SLU7: variants seen among roughly 807,000 people sequenced by gnomAD.
SLU7 encodes the protein pre-mRNA-splicing factor SLU7.
In SLU7, 60 loss-of-function variants were observed where a neutral mutation model predicts 87.0. That is an observed-to-expected ratio of 0.69 (90% CI 0.56 to 0.86). The LOEUF (loss-of-function observed/expected upper bound fraction) is 0.86, where lower values mean the gene tolerates loss of function less well. Among genes scored for constraint, SLU7 ranks in the 40% least tolerant of loss-of-function variants. The pLI is 0.00. For missense variants in SLU7, 507 were observed against 686.6 expected (o/e 0.74, Z 2.92); for synonymous variants, 197 against 222.0 (o/e 0.89, Z 1.00).
intron 1 of SLU7, among the ~76,000 whole-genome samples, chr5:160,417,682 C>T (rs978444260): frequency 6.6e-6 from 1 of 151,222 alleles, no homozygotes; most frequent in African/African-American, 2.4e-5. Context: ...ATCCTAGCTA[C>T]TCGGGAGGCT....
chr5:160,404,512 CT>C lies in SLU7; in HGVS notation c.1508del (p.Lys503ArgfsTer23). 6.2e-7 allele frequency: 1 copy of C among 1,610,858 alleles called. No individual in the cohort carries two copies. The highest frequency in any genetic ancestry group is 8.5e-7 in the Non-Finnish European group (1 of 1,178,406). ...KLKEEKKKKK[K>X]KKKKHRKSSS... Reference sequence around the variant, plus strand: ...TGCTCTTTCGATGCTTCTTCTTTTTCTTTTTCTTCTTCTTCTTTTCCTCTTT... The same window carrying C: ...TGCTCTTTCGATGCTTCTTCTTTTTCTTTTCTTCTTCTTCTTTTCCTCTTT... On this transcript the variant is annotated frameshift_variant, in exon 15 of 16. Coordinates refer to ENST00000297151, the MANE Select transcript of SLU7 (RefSeq NM_006425.5). LOFTEE classifies it high-confidence loss of function.
chr5:160,407,019 C>T lies in SLU7; in HGVS notation c.1126-390G>A, dbSNP rs1260775358. On this transcript the variant is annotated intron_variant, in intron 11 of 15. Coordinates refer to ENST00000297151, the MANE Select transcript of SLU7 (RefSeq NM_006425.5). The surrounding 1 kb of genome is among the most constrained non-coding windows in gnomAD (Gnocchi z 4.2). ...TGATGCAAGCAAAGGCACTTATGTA[C>T]CACAGCACACTTTTTGCTGCCACTC... 6.6e-6 allele frequency among the ~76,000 whole-genome samples: 1 copy of T among 152,194 alleles called. No homozygotes were observed. The highest frequency in any genetic ancestry group is 1.5e-5 in the Non-Finnish European group (1 of 68,034).
At position 160,413,976 on chromosome 5, in the gene SLU7, A is replaced by G; in HGVS notation, c.328T>C (p.Ser110Pro). Reference protein sequence around the residue: ...EWYKRGVKENSIITKYRKGAC... With the variant: ...EWYKRGVKENPIITKYRKGAC... ...CCTTTGCGGTACTTAGTAATTATGG[A>G]ATTCTATAAATATATATAAAGAAAA... The change falls in exon 4 of 16, where the codon TCC (serine) becomes CCC (proline). Residue 110 changes from serine (S) to proline (P), a missense_variant. Coordinates refer to ENST00000297151, the MANE Select transcript of SLU7 (RefSeq NM_006425.5). The G allele has an allele frequency of 6.4e-7, 1 of 1,553,106 alleles. No individual in the cohort carries two copies. The highest frequency in any genetic ancestry group is 8.7e-7 in the Non-Finnish European group (1 of 1,144,888).
Position 160,407,404 on chromosome 5 carries a change from T to C in SLU7, c.1125+72A>G, listed in dbSNP as rs1373255366. ...CTCTCTTTGCATTATTTTCCAAATG[T>C]AAAACTAACGCTTATTAACTAGTAA... On this transcript the variant is annotated intron_variant, in intron 11 of 15. Transcript: ENST00000297151. The surrounding 1 kb of genome is among the most constrained non-coding windows in gnomAD (Gnocchi z 4.2). 40 of 1,375,596 alleles carry C rather than the reference T, an allele frequency of 2.9e-5. No homozygotes were observed. Among genetic ancestry groups the C allele is most frequent in the Non-Finnish European group, 3.6e-5 (36 of 1,006,610 alleles). 85.2% of individuals were successfully genotyped at this position (1,375,596 alleles called of 1,614,324 possible). A position where few individuals can be genotyped will look rare whatever the true frequency, so the allele number is the denominator to read the frequency against.
chr5:160,403,164 A>G lies in SLU7; in HGVS notation c.*121T>C. 1.5e-6 allele frequency: 1 copy of G among 689,654 alleles called. No individual in the cohort carries two copies. Among genetic ancestry groups the G allele is most frequent in the Non-Finnish European group, 2.3e-6 (1 of 443,128 alleles). 42.7% of individuals were successfully genotyped at this position (689,654 alleles called of 1,614,324 possible). ...GTGAACTTACTGTGAGGCATCTGAAATATTTATTAAAGCCAGGCAGCAAGA... is the reference window on the plus strand; with the variant it reads ...GTGAACTTACTGTGAGGCATCTGAAGTATTTATTAAAGCCAGGCAGCAAGA... On this transcript the variant is annotated 3_prime_UTR_variant, in exon 16 of 16. Coordinates refer to ENST00000297151, the MANE Select transcript of SLU7 (RefSeq NM_006425.5).
At chr5:160,413,697 T>A in intron 4 of SLU7, 77 bp from the exon 5 acceptor site, 1 of 1,304,622 alleles carries the variant, frequency 7.7e-7, no homozygotes, top group Non-Finnish European at 1.1e-6. Flanking sequence ...TTTTACAGAG[T>A]GGGCACTTTA....
At chr5:160,405,592 T>C (rs1764975959) in intron 12 of SLU7, among the ~76,000 whole-genome samples, 1 of 152,206 alleles carries the variant, frequency 6.6e-6, no homozygotes, top group Non-Finnish European at 1.5e-5. Context: ...CAATTGTAGT[T>C]TGGTTACTTC....
At chr5:160,410,207 A>C (rs984161947) in intron 6 of SLU7, among the ~76,000 whole-genome samples, 1 of 152,246 alleles carries the variant, frequency 6.6e-6, no homozygotes, top group Non-Finnish European at 1.5e-5. Flanking sequence ...AAATGTTCAC[A>C]ATTAACACAG....
chr5:160,404,958 A>G, intron 13 of SLU7, 73 bp downstream of exon 13: 1 of 1,496,442 alleles, frequency 6.7e-7, no homozygotes, highest in Non-Finnish European at 9.3e-7. Context: ...TTGAAACATG[A>G]GACAGCATGT....
chr5:160,405,044 C>G lies in SLU7; in HGVS notation c.1379G>C (p.Gly460Ala). The stretch of plus-strand genomic sequence containing the variant: ...ACAATTACTTACAACAATCTCCTTC[C>G]CAGCTTCTCCAGTACAATAGGAATA... ...FKYSYCTGEA[G>A]KEIVNSEECI... Residue 460 changes from glycine (G) to alanine (A), a missense_variant, in exon 13 of 16, where the codon GGG becomes GCG. By Grantham distance (60) the Gly-to-Ala change is moderately conservative. Around this residue, in one of 6 missense-constraint regions of SLU7, gnomAD observed 201 missense variants for 213.4 expected, o/e 0.94. Coordinates refer to ENST00000297151, the MANE Select transcript of SLU7 (RefSeq NM_006425.5). 6.2e-7 allele frequency: 1 copy of G among 1,612,176 alleles called. No homozygotes were observed. Among genetic ancestry groups the G allele is most frequent in the Non-Finnish European group, 8.5e-7 (1 of 1,178,298 alleles).
At chr5:160,404,959 G>GACAGCATGTT in intron 13 of SLU7, 72 bp downstream of exon 13, 2 of 1,492,840 alleles carry the variant, frequency 1.3e-6, no homozygotes, top group Non-Finnish European at 1.9e-6. Context: ...TGAAACATGA[G>GACAGCATGTT]ACAGCATGTT....
intron 5 of SLU7, 100 bp from the exon 6 acceptor site, chr5:160,412,619 G>A (rs1765288972): frequency 1.0e-5 from 7 of 694,362 alleles, no homozygotes; most frequent in Admixed American, 3.1e-5. Context: ...TATTTAAAAT[G>A]AATAACTTTA....
At chr5:160,412,305 C>G in intron 6 of SLU7, 146 bp downstream of exon 6, 1 of 567,622 alleles carries the variant, frequency 1.8e-6, no homozygotes, top group Non-Finnish European at 3.1e-6. Flanking sequence ...TTACTATGAA[C>G]TGTATACAAA....
intron 13 of SLU7, 54 bp from the exon 14 acceptor site, chr5:160,404,934 G>T: frequency 6.6e-7 from 1 of 1,519,040 alleles, no homozygotes; most frequent in Non-Finnish European, 9.1e-7. Flanking sequence ...AATCATCTAA[G>T]AACAAGTTAA....
intron 6 of SLU7, among the ~76,000 whole-genome samples, chr5:160,410,350 A>G (rs1331981014): frequency 6.6e-6 from 1 of 152,186 alleles, no homozygotes; most frequent in Non-Finnish European, 1.5e-5. Context: ...CACCAAAGAC[A>G]TTTACATACA....
chr5:160,418,504 G>C (rs985142670), intron 1 of SLU7: 7 of 152,174 alleles, frequency 4.6e-5, no homozygotes, highest in Admixed American at 3.3e-4. Context: ...AGTTTCCGTC[G>C]CTGTGGAGGG....
intron 6 of SLU7, among the ~76,000 whole-genome samples, chr5:160,409,646 T>C (rs1441502275): frequency 6.6e-6 from 1 of 152,214 alleles, no homozygotes; most frequent in African/African-American, 2.4e-5. Flanking sequence ...GTGTTGTATA[T>C]GTGCAATGTT....
chr5:160,414,471 C>T lies in SLU7; in HGVS notation c.172G>A (p.Asp58Asn). The T allele has an allele frequency of 6.6e-7, 1 of 1,505,806 alleles. No individual in the cohort carries two copies. The highest frequency in any genetic ancestry group is 1.3e-5 in the South Asian group (1 of 75,010). 93.3% of individuals were successfully genotyped at this position (1,505,806 alleles called of 1,614,324 possible). A position where few individuals can be genotyped will look rare whatever the true frequency, so the allele number is the denominator to read the frequency against. The change falls in exon 3 of 16, where the codon GAC (aspartate) becomes AAC (asparagine). Residue 58 changes from aspartate (D) to asparagine (N), a missense_variant and splice_region_variant. Coordinates refer to ENST00000297151, the MANE Select transcript of SLU7 (RefSeq NM_006425.5). ...APAEVDEEGK[D>N]INPHIPQYIS... is the part of the protein sequence containing the mutation. Reference sequence around the variant, plus strand: ...TACTGAGGAATATGGGGGTTGATGTCTCTGTAATTAAAGTAAAAAAAAAAA... The same window carrying T: ...TACTGAGGAATATGGGGGTTGATGTTTCTGTAATTAAAGTAAAAAAAAAAA...
At chr5:160,412,016 T>G (rs1019482598) in intron 6 of SLU7, among the ~76,000 whole-genome samples, 4 of 152,230 alleles carry the variant, frequency 2.6e-5, no homozygotes, top group African/African-American at 9.6e-5. Context: ...ACCAGTGTTG[T>G]TAATGAAGTC....
Sources: allele counts gnomAD v4.1 joint callset (sites outside exome capture counted in the v4.1 genomes callset), GRCh38; gene constraint gnomAD v4.1.1; regional missense constraint gnomAD v4.1.1; non-coding constraint Gnocchi (gnomAD v3.1); transcripts MANE v1.5; gene names NCBI Gene and HGNC (gene_info 2026-07-23, HGNC 2026-07-21).